The following PLXNB1 variants were observed in gnomAD, a reference collection of about 807,000 sequenced individuals.
PLXNB1 encodes the protein plexin-B1.
In PLXNB1, 106 loss-of-function variants were observed where a neutral mutation model predicts 209.4. That is an observed-to-expected ratio of 0.51 (90% CI 0.43 to 0.59). The LOEUF is 0.59. Among genes scored for constraint, PLXNB1 ranks in the 20% least tolerant of loss-of-function variants. PLXNB1 has a pLI of 0.00. For missense variants in PLXNB1, 2,357 were observed against 2,853.2 expected (o/e 0.83, Z 3.96); for synonymous variants, 1,167 against 1,183.2 (o/e 0.99, Z 0.28).
intron 27 of PLXNB1, 84 bp downstream of exon 27, chr3:48,412,154 G>C: frequency 2.6e-6 from 4 of 1,510,398 alleles, no homozygotes; most frequent in African/African-American, 1.4e-5. Flanking sequence ...ACAAGTGTCC[G>C]AGCTGCATGG....
rs374768880 is a variant in PLXNB1, at chr3:48,422,367, C to A, written c.1383G>T (p.Gly461=). Residue 461 remains glycine, a synonymous_variant, in exon 5 of 38, where the codon GGG becomes GGT. Transcript: ENST00000296440. Reference sequence around the variant, plus strand: ...TCATGACATACAGGTGCTCAAAGGTCCCATCAAAGGTGAGGTCTCTGCTCA... The same window carrying A: ...TCATGACATACAGGTGCTCAAAGGTACCATCAAAGGTGAGGTCTCTGCTCA... ...SAVSRDLTFD[G]TFEHLYVMTQ... The A allele has an allele frequency of 1.9e-6, 3 of 1,609,742 alleles. No homozygotes were observed. In the African/African-American group the frequency reaches 4.0e-5, roughly 22 times the overall value.
rs760649497 is a variant in PLXNB1, at chr3:48,422,133, A to G, written c.1492T>C (p.Tyr498His). The change falls in exon 6 of 38, where the codon TAC (tyrosine) becomes CAC (histidine). Residue 498 changes from tyrosine to histidine, a missense_variant. Physicochemically the swap from Tyr to His is moderately conservative, Grantham distance 83. This residue lies in a region of PLXNB1 where 214 missense variants were observed against 297.1 expected (regional missense o/e 0.72). Coordinates refer to ENST00000296440, the MANE Select transcript of PLXNB1 (RefSeq NM_001130082.3). ...CASCLAHRDP[Y>H]CGWCVLLGRC... ...CCAAGGAGCACGCACCACCCACAGTATGGGTCCCTGTGAGCAAGGCAAGAT... is the reference window on the plus strand; with the variant it reads ...CCAAGGAGCACGCACCACCCACAGTGTGGGTCCCTGTGAGCAAGGCAAGAT... 10 of 1,613,862 alleles carry G rather than the reference A, an allele frequency of 6.2e-6. No individual in the cohort carries two copies. The South Asian group carries it at 1.1e-4, about 18-fold the overall frequency.
intron 6 of PLXNB1, 87 bp downstream of exon 6, chr3:48,422,018 T>C (rs999051633): frequency 1.4e-5 from 19 of 1,360,806 alleles, no homozygotes; most frequent in Middle Eastern, 4.1e-4. Context: ...AGAGTCATGG[T>C]CTAAGGGTCA....
At position 48,412,819 on chromosome 3, in the gene PLXNB1, C is replaced by T; in HGVS notation, c.4777G>A (p.Glu1593Lys). Residue 1593 changes from glutamate (E) to lysine (K), a missense_variant, in exon 25 of 38, where the codon GAG becomes AAG. Coordinates refer to ENST00000296440, the MANE Select transcript of PLXNB1 (RefSeq NM_001130082.3). ...TGCTCCACAGTGGGCCGTCTGCTCT[C>T]AGGCACACCCAGGTCCCGGTGCAAG... ...SPLHRDLGVP[E>K]SRRPTVEQGL... 1 of 1,613,740 alleles carries T rather than the reference C, an allele frequency of 6.2e-7. No homozygotes were observed. The highest frequency in any genetic ancestry group is 8.5e-7 in the Non-Finnish European group (1 of 1,180,012).
rs1015683964 is a variant in PLXNB1 at position 48,415,338 on chromosome 3, A to G, written c.3804T>C (p.Arg1268=). Residue 1268 remains arginine, a synonymous_variant, in exon 20 of 38, where the codon CGT becomes CGC. Transcript: ENST00000296440. This position sits in a 1 kb window ranked among gnomAD's most constrained non-coding sequence, Gnocchi z 5.0. ...GATTCTGGCCACGGACGCATATCTC[A>G]CGTCCTCCACTGAAACAGACCGTGA... ...GPTKSFLSGG[R]EICVRGQNLD... 14 of 1,612,436 alleles carry G rather than the reference A, an allele frequency of 8.7e-6. No individual in the cohort carries two copies. In the Admixed American group the frequency reaches 2.3e-4, roughly 27 times the overall value.
At position 48,410,787 on chromosome 3, in the gene PLXNB1, G is replaced by T; in HGVS notation, c.5416+81C>A. 1.5e-6 allele frequency: 2 copies of T among 1,365,494 alleles called. No homozygotes were observed. Among genetic ancestry groups the T allele is most frequent in the South Asian group, 1.3e-5 (1 of 74,994 alleles). The allele number at this position is 1,365,494 out of a possible 1,614,324, so 84.6% of individuals were successfully genotyped here. A position where few individuals can be genotyped will look rare whatever the true frequency, so the allele number is the denominator to read the frequency against. ...CAGCATCCTCCCCACCCTGAGTGAT[G>T]AGTTGTCCCTGCAGAGTTGGTCCGG... On this transcript the variant is annotated intron_variant, in intron 29 of 37. Coordinates refer to ENST00000296440, the MANE Select transcript of PLXNB1 (RefSeq NM_001130082.3). This position sits in a 1 kb window ranked among gnomAD's most constrained non-coding sequence, Gnocchi z 6.4.
chr3:48,413,704 C>T lies in PLXNB1; in HGVS notation c.4501G>A (p.Ala1501Thr). 6.2e-7 allele frequency: 1 copy of T among 1,613,558 alleles called. No homozygotes were observed. ...VGLGVGTSLL[A>T]LGVIIIVLMY... ...AGGACAATGATGATGACACCCAGAG[C>T]CAGAAGAGAGGTGCCCACCCCCAAG... Residue 1501 changes from alanine (A) to threonine (T), a missense_variant, in exon 23 of 38, where the codon GCT becomes ACT. Transcript: ENST00000296440. This position sits in a 1 kb window ranked among gnomAD's most constrained non-coding sequence, Gnocchi z 5.4.
rs61729215 is a variant in PLXNB1 at position 48,419,748 on chromosome 3, G to A, written c.2538C>T (p.Gly846=). The change falls in exon 11 of 38, where the codon GGC becomes GGT. Residue 846 remains glycine (G), a synonymous_variant. Coordinates refer to ENST00000296440, the MANE Select transcript of PLXNB1 (RefSeq NM_001130082.3). This position sits in a 1 kb window ranked among gnomAD's most constrained non-coding sequence, Gnocchi z 5.7. The stretch of plus-strand genomic sequence containing the variant: ...ACTCGTCCGCCTCGGGCAGCTCGCC[G>A]CCTTCTCTCGTGAGCCAGTCCAGGG... The part of the protein sequence containing the change: ...KPALDWLTRE[G]GELPEADEWT... 1.6e-3 allele frequency: 2,504 copies of A among 1,609,290 alleles called. 35 individuals carry two copies. In the African/African-American group the frequency reaches 0.03, roughly 19 times the overall value.
Position 48,406,742 on chromosome 3 carries a change from T to C in PLXNB1, c.6228+81A>G, listed in dbSNP as rs2037334441. ...CTGCTGAGGTTCCCAAGGGCTTCCC[T>C]GCAAAGGGGCAGTGTGAAGGGGGAA... On this transcript the variant is annotated intron_variant, in intron 36 of 37. Transcript: ENST00000296440. The surrounding 1 kb of genome is among the most constrained non-coding windows in gnomAD (Gnocchi z 4.4). 2.0e-6 allele frequency: 3 copies of C among 1,506,926 alleles called. No individual in the cohort carries two copies. Among genetic ancestry groups the C allele is most frequent in the African/African-American group, 1.4e-5 (1 of 72,200 alleles). 93.3% of individuals were successfully genotyped at this position (1,506,926 alleles called of 1,614,324 possible). A position where few individuals can be genotyped will look rare whatever the true frequency, so the allele number is the denominator to read the frequency against.
rs767322060 is a variant in PLXNB1 at position 48,412,970 on chromosome 3, G to A, written c.4637-11C>T. 297 of 1,613,614 alleles carry A rather than the reference G, an allele frequency of 1.8e-4. 2 individuals carry two copies. The Middle Eastern group carries it at 5.3e-3, about 29-fold the overall frequency. ...TCTCAGTCATGAGGTCTGTTAAGCAGAAGAGGCCAGGTTAAGCACCTGTTA... is the reference window on the plus strand; with the variant it reads ...TCTCAGTCATGAGGTCTGTTAAGCAAAAGAGGCCAGGTTAAGCACCTGTTA... On this transcript the variant is annotated splice_polypyrimidine_tract_variant and intron_variant, in intron 24 of 37. Transcript: ENST00000296440.
chr3:48,419,873 G>A lies in PLXNB1; in HGVS notation c.2413C>T (p.Pro805Ser), dbSNP rs1262168185. Residue 805 changes from proline to serine, a missense_variant, in exon 11 of 38, where the codon CCT becomes TCT. Physicochemically the swap from Pro to Ser is moderately conservative, Grantham distance 74 (BLOSUM62 -1). Transcript: ENST00000296440. This position sits in a 1 kb window ranked among gnomAD's most constrained non-coding sequence, Gnocchi z 5.7. ...SEVAAVPPAD[P>S]GPEALHPTVP... is the part of the protein sequence containing the mutation. ...GTGGGATGAAGAGCCTCGGGGCCAGGGTCTGCAGGGGGCACTGCTGCTACC... is the reference window on the plus strand; with the variant it reads ...GTGGGATGAAGAGCCTCGGGGCCAGAGTCTGCAGGGGGCACTGCTGCTACC... 3 of 1,566,168 alleles carry A rather than the reference G, an allele frequency of 1.9e-6. No homozygotes were observed. The Admixed American group carries it at 5.4e-5, about 28-fold the overall frequency.
Position 48,419,206 on chromosome 3 carries a change from G to A in PLXNB1, c.2832+38C>T, listed in dbSNP as rs997027725. ...TTGTGCAGAGTTTCTCAACAGCTAA[G>A]GAGGCTGCAAGGACAGCGGCAGGCA... On this transcript the variant is annotated intron_variant, in intron 12 of 37. Coordinates refer to ENST00000296440, the MANE Select transcript of PLXNB1 (RefSeq NM_001130082.3). This position sits in a 1 kb window ranked among gnomAD's most constrained non-coding sequence, Gnocchi z 5.7. The A allele has an allele frequency of 3.2e-6, 5 of 1,547,308 alleles. No homozygotes were observed. Among genetic ancestry groups the A allele is most frequent in the Non-Finnish European group, 4.4e-6 (5 of 1,142,618 alleles).
In PLXNB1 at chr3:48,424,391, A is replaced by G. The variant is rs1320713031; in HGVS notation, c.221T>C (p.Leu74Pro). 1 of 1,558,806 alleles carries G rather than the reference A, an allele frequency of 6.4e-7. No individual in the cohort carries two copies. Among genetic ancestry groups the G allele is most frequent in the East Asian group, 2.4e-5 (1 of 41,434 alleles). The change falls in exon 3 of 38, where the codon CTA becomes CCA. Residue 74 changes from leucine to proline, a missense_variant. Around this residue, in one of 7 missense-constraint regions of PLXNB1, gnomAD observed 107 missense variants for 167.2 expected, o/e 0.64. Transcript: ENST00000296440. ...LEATVSTGPVLDSRDCLPPVM... is the reference protein window; with the variant it reads ...LEATVSTGPVPDSRDCLPPVM... ...AGGTGGCAGGCAGTCCCTGCTGTCT[A>G]GCACAGGGCCGGTGGACACTGTGGC... is the stretch of plus-strand genomic sequence containing the variant.
In PLXNB1 at chr3:48,412,487, A is replaced by G; in HGVS notation, c.4988T>C (p.Leu1663Pro). The change falls in exon 26 of 38, where the codon CTG becomes CCG. Residue 1663 changes from leucine (L) to proline (P), a missense_variant. This residue lies in a region of PLXNB1 where 65 missense variants were observed against 127.6 expected (regional missense o/e 0.51). Coordinates refer to ENST00000296440, the MANE Select transcript of PLXNB1 (RefSeq NM_001130082.3). Reference protein sequence around the residue: ...TDILRTLLSDLVAQYVAKNPK... With the variant: ...TDILRTLLSDPVAQYVAKNPK... ...GTTCTTGGCCACATACTGGGCAACC[A>G]GGTCACTGAGCAGAGTGCGGAGGAT... 1.2e-6 allele frequency: 2 copies of G among 1,613,676 alleles called. No homozygotes were observed. The highest frequency in any genetic ancestry group is 1.7e-6 in the Non-Finnish European group (2 of 1,180,046).
chr3:48,410,701 C>T lies in PLXNB1; in HGVS notation c.5417-143G>A, dbSNP rs935594202. 1.7e-5 allele frequency: 16 copies of T among 935,514 alleles called. No individual in the cohort carries two copies. In the African/African-American group the frequency reaches 2.3e-4, roughly 14 times the overall value. 58.0% of individuals were successfully genotyped at this position (935,514 alleles called of 1,614,324 possible). A position where few individuals can be genotyped will look rare whatever the true frequency, so the allele number is the denominator to read the frequency against. On this transcript the variant is annotated intron_variant, in intron 29 of 37. Transcript: ENST00000296440. The surrounding 1 kb of genome is among the most constrained non-coding windows in gnomAD (Gnocchi z 6.4). ...TCTCCAAAGACCAAGAGCAGGGACC[C>T]CCTCCCCAGATGAGAGGCTGTCCAA... is the stretch of plus-strand genomic sequence containing the variant.
Position 48,421,796 on chromosome 3 carries a change from G to A in PLXNB1, c.1531C>T (p.Arg511Cys), listed in dbSNP as rs751435180. Residue 511 changes from arginine to cysteine, a missense_variant, in exon 7 of 38, where the codon CGT (arginine) becomes TGT (cysteine). This residue lies in a region of PLXNB1 where 214 missense variants were observed against 297.1 expected (regional missense o/e 0.72). Transcript: ENST00000296440. ...WCVLLGRCSR[R>C]SECSRGQGPE... is the part of the protein sequence containing the mutation. Reference sequence around the variant, plus strand: ...CCCTGGCCCCTCGAGCACTCAGAACGGCGACTGCACCTGGGCGAGATGACC... The same window carrying A: ...CCCTGGCCCCTCGAGCACTCAGAACAGCGACTGCACCTGGGCGAGATGACC... The A allele has an allele frequency of 1.3e-5, 20 of 1,598,048 alleles. No individual in the cohort carries two copies. Among genetic ancestry groups the A allele is most frequent in the South Asian group, 2.2e-5 (2 of 90,654 alleles).
At position 48,409,299 on chromosome 3, in the gene PLXNB1, T is replaced by TA. The variant is rs1266813951; in HGVS notation, c.6087+29_6087+30insT. 9 of 1,609,912 alleles carry TA rather than the reference T, an allele frequency of 5.6e-6. No homozygotes were observed. The highest frequency in any genetic ancestry group is 7.6e-6 in the Non-Finnish European group (9 of 1,177,762). On this transcript the variant is annotated intron_variant, in intron 34 of 37. Transcript: ENST00000296440. This position sits in a 1 kb window ranked among gnomAD's most constrained non-coding sequence, Gnocchi z 5.8. The stretch of plus-strand genomic sequence containing the variant: ...ACACAGCACTGTCCACCCTCACCCA[T>TA]CCCCCCGTGTCCATCCCAGACTCGC...
Position 48,415,417 on chromosome 3 carries a change from C to T in PLXNB1, c.3795-70G>A. 6.5e-7 allele frequency: 1 copy of T among 1,531,118 alleles called. No homozygotes were observed. The allele number at this position is 1,531,118 out of a possible 1,614,324, so 94.8% of individuals were successfully genotyped here. ...ACCTGGACCTAAAGCACAGCCCAGT[C>T]CCGGCTAGGTCAGCTCAGCCCCAGC... On this transcript the variant is annotated intron_variant, in intron 19 of 37. Coordinates refer to ENST00000296440, the MANE Select transcript of PLXNB1 (RefSeq NM_001130082.3). The surrounding 1 kb of genome is among the most constrained non-coding windows in gnomAD (Gnocchi z 5.0).
In PLXNB1 at chr3:48,419,772, G is replaced by A; in HGVS notation, c.2514C>T (p.Ala838=). The A allele has an allele frequency of 1.9e-6, 3 of 1,606,076 alleles. No homozygotes were observed. Among genetic ancestry groups the A allele is most frequent in the Non-Finnish European group, 2.5e-6 (3 of 1,176,764 alleles). The part of the protein sequence containing the change: ...FPGAMGSVKP[A]LDWLTREGGE... The stretch of plus-strand genomic sequence containing the variant: ...CGCCTTCTCTCGTGAGCCAGTCCAG[G>A]GCGGGCTTCACGGAGCCCATGGCCC... The change falls in exon 11 of 38, where the codon GCC becomes GCT. Residue 838 remains alanine, a synonymous_variant. Coordinates refer to ENST00000296440, the MANE Select transcript of PLXNB1 (RefSeq NM_001130082.3). This position sits in a 1 kb window ranked among gnomAD's most constrained non-coding sequence, Gnocchi z 5.7.
Sources: gnomAD v4.1 joint callset for allele counts on GRCh38, gnomAD v4.1.1 for gene constraint, gnomAD v4.1.1 regional missense constraint, Gnocchi (gnomAD v3.1) non-coding constraint, MANE v1.5 for transcripts, NCBI Gene and HGNC (gene_info 2026-07-23, HGNC 2026-07-21) for gene names.